PCDHGB3: variants seen among roughly 807,000 people sequenced by gnomAD.
PCDHGB3 encodes the protein protocadherin gamma subfamily B, 3, also known as protocadherin gamma-B3.
In PCDHGB3, 40 loss-of-function variants were observed where a neutral mutation model predicts 59.2. That is an observed-to-expected ratio of 0.68 (90% confidence interval 0.52 to 0.88). The LOEUF (loss-of-function observed/expected upper bound fraction) is 0.88, where lower values mean the gene tolerates loss of function less well. Among genes scored for constraint, PCDHGB3 ranks in the 40% least tolerant of loss-of-function variants. The pLI is 0.00. For synonymous variants in PCDHGB3, 581 were observed against 503.6 expected (o/e 1.15, Z -2.06); for missense variants, 1,309 against 1,187.9 (o/e 1.10, Z -1.50).
Position 141,370,464 on chromosome 5 carries a change from T to C in PCDHGB3, c.70T>C (p.Leu24=), listed in dbSNP as rs1766931580. 6.2e-7 allele frequency: 1 copy of C among 1,613,018 alleles called. No homozygotes were observed. Among genetic ancestry groups the C allele is most frequent in the Middle Eastern group, 1.7e-4 (1 of 6,050 alleles). ...AATGCTATTTCTCTTCCTGCTCTCT[T>C]TGTTAGACCAGGCTCTCTCCGAACC... The part of the protein sequence containing the change: ...RRMLFLFLLS[L]LDQALSEPIR... Residue 24 remains leucine (L), a synonymous_variant, in exon 1 of 4, where the codon TTG becomes CTG. Coordinates refer to ENST00000576222, the MANE Select transcript of PCDHGB3 (RefSeq NM_018924.5).
chr5:141,394,419 G>A, intron 1 of PCDHGB3: 1 of 1,614,224 alleles, frequency 6.2e-7, no homozygotes, highest in Non-Finnish European at 8.5e-7. Context: ...AACAGCCAGC[G>A]ACAGCGGGGA....
At chr5:141,401,098 C>T (rs1589430206) in intron 1 of PCDHGB3, among the ~76,000 whole-genome samples, 1 of 152,110 alleles carries the variant, frequency 6.6e-6, no homozygotes, top group East Asian at 1.9e-4. Context: ...AATCCCAGCA[C>T]TTTGGGAGGC....
intron 1 of PCDHGB3, chr5:141,403,949 G>T: frequency 1.2e-6 from 2 of 1,613,886 alleles, no homozygotes; most frequent in Non-Finnish European, 1.7e-6. Flanking sequence ...GTGGACAAAA[G>T]TGCTCATTTC....
Position 141,370,786 on chromosome 5 carries a change from C to T in PCDHGB3, c.392C>T (p.Pro131Leu), listed in dbSNP as rs1378558214. 1 of 1,613,972 alleles carries T rather than the reference C, an allele frequency of 6.2e-7. No homozygotes were observed. Among genetic ancestry groups the T allele is most frequent in the East Asian group, 2.2e-5 (1 of 44,882 alleles). ...ATCCAGGATATTAACGACAACCCAC[C>T]GACCTTTAGCCAAAATATCACTGAG... ...VLIQDINDNP[P>L]TFSQNITELE... is the part of the protein sequence containing the mutation. The change falls in exon 1 of 4, where the codon CCG becomes CTG. Residue 131 changes from proline (P) to leucine (L), a missense_variant. Physicochemically the swap from Pro to Leu is moderately conservative, Grantham distance 98. Coordinates refer to ENST00000576222, the MANE Select transcript of PCDHGB3 (RefSeq NM_018924.5).
intron 1 of PCDHGB3, chr5:141,393,983 A>T: frequency 1.9e-6 from 3 of 1,613,710 alleles, no homozygotes; most frequent in Non-Finnish European, 2.5e-6. Context: ...GTGATAATTT[A>T]CCTTTTAAAT....
intron 1 of PCDHGB3, chr5:141,398,946 C>A: frequency 6.2e-7 from 1 of 1,613,948 alleles, no homozygotes; most frequent in Non-Finnish European, 8.5e-7. Flanking sequence ...ACGAGGGCAT[C>A]AACTCAGAAA....
chr5:141,509,979 T>C (rs908103989), intron 3 of PCDHGB3, among the ~76,000 whole-genome samples: 4 of 152,204 alleles, frequency 2.6e-5, no homozygotes, highest in African/African-American at 7.2e-5. Context: ...CTTCTAACAC[T>C]TGGTTCCCTC....
At chr5:141,398,606 C>T in intron 1 of PCDHGB3, 1 of 1,614,000 alleles carries the variant, frequency 6.2e-7, no homozygotes, top group Non-Finnish European at 8.5e-7. Context: ...GCAGAAGATG[C>T]AGATATTGGC....
chr5:141,389,303 G>C, intron 1 of PCDHGB3: 3 of 1,614,000 alleles, frequency 1.9e-6, no homozygotes, highest in Non-Finnish European at 2.5e-6. Flanking sequence ...CACAAGTCAG[G>C]GCTTCTGATC....
chr5:141,387,721 C>A, intron 1 of PCDHGB3: 2 of 1,151,790 alleles, frequency 1.7e-6, no homozygotes, highest in Non-Finnish European at 2.4e-6. Context: ...CTCAGACTCC[C>A]CAGCGCCAGC....
Position 141,489,352 on chromosome 5 carries a change from G to A in PCDHGB3, c.2416-5455G>A, listed in dbSNP as rs1336068787. 1.9e-6 allele frequency: 3 copies of A among 1,612,152 alleles called. No homozygotes were observed. In the Admixed American group the frequency reaches 5.0e-5, roughly 27 times the overall value. On this transcript the variant is annotated intron_variant, in intron 1 of 3. Transcript: ENST00000576222. The surrounding 1 kb of genome is among the most constrained non-coding windows in gnomAD (Gnocchi z 4.5). ...GCAGCTTCGTTACTCAGTGGTGGAG[G>A]AGTCTGAGCCGGGGACGCTGGTGGG...
At chr5:141,407,958 A>C (rs1018466165) in intron 1 of PCDHGB3, 1 of 660,632 alleles carries the variant, frequency 1.5e-6, no homozygotes, top group African/African-American at 1.8e-5. Context: ...GCCAGTGCAG[A>C]GCAAGCGCTG....
chr5:141,447,360 A>G (rs1471046883), intron 1 of PCDHGB3, among the ~76,000 whole-genome samples: 1 of 151,914 alleles, frequency 6.6e-6, no homozygotes, highest in Non-Finnish European at 1.5e-5. Context: ...GCTGGTCTCA[A>G]ACTCCTGACC....
intron 1 of PCDHGB3, chr5:141,422,668 G>A: frequency 6.2e-7 from 1 of 1,607,686 alleles, no homozygotes; most frequent in Non-Finnish European, 8.5e-7. Context: ...CCTCGACCCG[G>A]ACAGCAAACA....
rs775639424 is a variant in PCDHGB3 at position 141,370,587 on chromosome 5, A to G, written c.193A>G (p.Asn65Asp). Residue 65 changes from asparagine to aspartate, a missense_variant, in exon 1 of 4, where the codon AAC becomes GAC. Asn to Asp is a conservative substitution (Grantham distance 23). Coordinates refer to ENST00000576222, the MANE Select transcript of PCDHGB3 (RefSeq NM_018924.5). ...GFGVGDLPTRNLRVIAEKKFF... is the reference protein window; with the variant it reads ...GFGVGDLPTRDLRVIAEKKFF... ...TGGCGTGGGGGATTTACCTACTAGG[A>G]ACCTGCGGGTTATTGCAGAGAAGAA... 11 of 1,613,960 alleles carry G rather than the reference A, an allele frequency of 6.8e-6. No homozygotes were observed. The highest frequency in any genetic ancestry group is 8.5e-6 in the Non-Finnish European group (10 of 1,179,880).
Position 141,370,599 on chromosome 5 carries a change from A to G in PCDHGB3, c.205A>G (p.Ile69Val), listed in dbSNP as rs987021743. The change falls in exon 1 of 4, where the codon ATT becomes GTT. Residue 69 changes from isoleucine (I) to valine (V), a missense_variant. Transcript: ENST00000576222. ...TTTACCTACTAGGAACCTGCGGGTT[A>G]TTGCAGAGAAGAAATTCTTTACCGT... is the stretch of plus-strand genomic sequence containing the variant. Reference protein sequence around the residue: ...GDLPTRNLRVIAEKKFFTVSP... With the variant: ...GDLPTRNLRVVAEKKFFTVSP... 11 of 1,613,848 alleles carry G rather than the reference A, an allele frequency of 6.8e-6. No homozygotes were observed. The African/African-American group carries it at 1.2e-4, about 18-fold the overall frequency.
chr5:141,395,515 C>T (rs527577408), intron 1 of PCDHGB3: 5 of 407,340 alleles, frequency 1.2e-5, no homozygotes, highest in South Asian at 7.2e-5. Context: ...AGTAGCTACC[C>T]GTCCATACTG....
rs758782567 is a variant in PCDHGB3, at chr5:141,486,792, G to A, written c.2416-8015G>A. ...CAGTTTGAGGTGCAGGCCCGGGATCGGGGCAACCCACCCCTTAGCAGCACT... is the reference window on the plus strand; with the variant it reads ...CAGTTTGAGGTGCAGGCCCGGGATCAGGGCAACCCACCCCTTAGCAGCACT... On this transcript the variant is annotated intron_variant, in intron 1 of 3. Coordinates refer to ENST00000576222, the MANE Select transcript of PCDHGB3 (RefSeq NM_018924.5). This position sits in a 1 kb window ranked among gnomAD's most constrained non-coding sequence, Gnocchi z 5.0. The A allele has an allele frequency of 3.7e-5, 59 of 1,614,094 alleles. No homozygotes were observed. The Middle Eastern group carries it at 4.9e-4, about 13-fold the overall frequency.
intron 3 of PCDHGB3, among the ~76,000 whole-genome samples, chr5:141,506,298 A>C (rs887906455): frequency 6.6e-6 from 1 of 151,936 alleles, no homozygotes; most frequent in Non-Finnish European, 1.5e-5. Context: ...AAAATACAAA[A>C]ATTAGCTGGG....
Sources: allele counts gnomAD v4.1 joint callset (sites outside exome capture counted in the v4.1 genomes callset), GRCh38; gene constraint gnomAD v4.1.1; non-coding constraint Gnocchi (gnomAD v3.1); transcripts MANE v1.5; gene names NCBI Gene and HGNC (gene_info 2026-07-23, HGNC 2026-07-21).